The following GREB1 variants were observed in gnomAD, a reference collection of about 807,000 sequenced individuals.
The protein encoded by GREB1 is protein GREB1.
In GREB1, 106 loss-of-function variants were observed where a neutral mutation model predicts 200.7. The ratio of observed to expected loss-of-function variants is 0.53; its 90% confidence interval spans 0.45 to 0.62. The LOEUF (loss-of-function observed/expected upper bound fraction) is 0.62, where lower values mean the gene tolerates loss of function less well. GREB1 is among the 20% of genes least tolerant of loss of function. The probability of loss-of-function intolerance (pLI) is 0.00; values close to 1 mark genes in which losing one functional copy is unlikely to be tolerated. For missense variants in GREB1, 2,243 were observed against 2,556.8 expected, an observed-to-expected ratio of 0.88 and a Z score of 2.65; for synonymous variants, 1,132 against 1,092.4, an observed-to-expected ratio of 1.04 and a Z score of -0.72.
At chr2:11,507,673 C>T (rs1017772662) in intron 1 of GREB1, among the ~76,000 whole-genome samples, 2 of 152,186 alleles carry the variant, frequency 1.3e-5, no homozygotes, top group African/African-American at 2.4e-5. Context: ...CCTGTCCAGG[C>T]GCCAGCCTCC....
chr2:11,555,319 G>T (rs2147862629), intron 1 of GREB1, among the ~76,000 whole-genome samples: 1 of 152,224 alleles, frequency 6.6e-6, no homozygotes, highest in African/African-American at 2.4e-5. Context: ...GTATGATCAG[G>T]GAGAAATGTC....
At chr2:11,497,635 A>G (rs1385578072) in intron 1 of GREB1, among the ~76,000 whole-genome samples, 3 of 152,184 alleles carry the variant, frequency 2.0e-5, no homozygotes, top group Non-Finnish European at 4.4e-5. Context: ...CCAGCATTTG[A>G]TGGTGTCACT....
chr2:11,531,125 G>A (rs1463715210), upstream of GREB1, among the ~76,000 whole-genome samples: 2 of 152,226 alleles, frequency 1.3e-5, no homozygotes, highest in Non-Finnish European at 2.9e-5. Flanking sequence ...GCCCTGTACT[G>A]GAGGTCAGCT....
intron 23 of GREB1, among the ~76,000 whole-genome samples, chr2:11,622,418 C>T (rs1458716612): frequency 1.3e-5 from 2 of 152,208 alleles, no homozygotes; most frequent in Admixed American, 6.5e-5. Context: ...TCTCCCCTGC[C>T]TTCCTATGGA....
chr2:11,539,183 G>T (rs561783816), intron 1 of GREB1, among the ~76,000 whole-genome samples: 1 of 151,932 alleles, frequency 6.6e-6, no homozygotes, highest in South Asian at 2.1e-4. Flanking sequence ...CTTCTAAGTA[G>T]CTGGGACTTC....
chr2:11,520,957 C>T (rs1455861349), intron 1 of GREB1, among the ~76,000 whole-genome samples: 3 of 152,158 alleles, frequency 2.0e-5, no homozygotes, highest in African/African-American at 7.2e-5. Flanking sequence ...ACACAGTTAG[C>T]AGGGGGCGTC....
chr2:11,552,967 G>A (rs375712871), intron 1 of GREB1, among the ~76,000 whole-genome samples: 25 of 138,904 alleles, frequency 1.8e-4, no homozygotes, highest in South Asian at 6.8e-4. Flanking sequence ...TCGAGATCGC[G>A]CCACTGCACT....
At chr2:11,497,802 C>T (rs974379053) in intron 1 of GREB1, among the ~76,000 whole-genome samples, 1 of 151,958 alleles carries the variant, frequency 6.6e-6, no homozygotes, top group Non-Finnish European at 1.5e-5. Context: ...GTCTTTCGCC[C>T]ATTTTCTAAT....
At chr2:11,606,135 C>T (rs752162548) in intron 17 of GREB1, among the ~76,000 whole-genome samples, 4 of 152,268 alleles carry the variant, frequency 2.6e-5, no homozygotes, top group Non-Finnish European at 5.9e-5. Context: ...GGTCAGCCCT[C>T]TGGAACCCAC....
chr2:11,587,473 C>T, intron 9 of GREB1: 2 of 1,612,022 alleles, frequency 1.2e-6, no homozygotes, highest in African/African-American at 2.7e-5. Context: ...TTCATGGACC[C>T]ATCCTGGAAT....
At chr2:11,486,157 G>A (rs1282982232) in intron 1 of GREB1, among the ~76,000 whole-genome samples, 1 of 152,146 alleles carries the variant, frequency 6.6e-6, no homozygotes, top group East Asian at 1.9e-4. Flanking sequence ...AGAACTCTGG[G>A]CTAGCTATTC....
At chr2:11,514,240 G>T (rs955798910) in intron 1 of GREB1, among the ~76,000 whole-genome samples, 2 of 152,172 alleles carry the variant, frequency 1.3e-5, no homozygotes, top group Admixed American at 1.3e-4. Context: ...TTTACATAGA[G>T]TTCTCATTCA....
intron 5 of GREB1, among the ~76,000 whole-genome samples, chr2:11,576,971 G>C (rs1334104063): frequency 6.6e-6 from 1 of 152,086 alleles, no homozygotes; most frequent in Non-Finnish European, 1.5e-5. Context: ...GGAGGTGGAG[G>C]TTGCAGTGAG....
chr2:11,616,487 G>C (rs1413207449), intron 20 of GREB1, 144 bp from the exon 21 acceptor site: 1 of 703,172 alleles, frequency 1.4e-6, no homozygotes, highest in Non-Finnish European at 2.6e-6. Flanking sequence ...TCTGTCCATG[G>C]TGGGGGCCTG....
intron 6 of GREB1, among the ~76,000 whole-genome samples, chr2:11,578,937 G>A (rs552298963): frequency 2.0e-5 from 3 of 152,330 alleles, no homozygotes; most frequent in East Asian, 3.9e-4. Context: ...CTAGGACCTC[G>A]TGGGCCGGAG....
chr2:11,635,240 C>T, intron 29 of GREB1, 30 bp from the exon 30 acceptor site: 1 of 1,613,652 alleles, frequency 6.2e-7, no homozygotes, highest in Non-Finnish European at 8.5e-7. Context: ...TGTGCCCCAT[C>T]AGACCCACCC....
intron 14 of GREB1, among the ~76,000 whole-genome samples, chr2:11,598,248 T>G (rs1284554004): frequency 1.3e-5 from 2 of 152,212 alleles, no homozygotes; most frequent in African/African-American, 4.8e-5. Flanking sequence ...ACTGATATCC[T>G]TGTACTTTCA....
intron 30 of GREB1, among the ~76,000 whole-genome samples, chr2:11,636,018 GCCTTTC>G (rs767182150): frequency 2.6e-5 from 4 of 152,194 alleles, no homozygotes; most frequent in Non-Finnish European, 5.9e-5. Context: ...GCCACCAGCT[GCCTTTC>G]CCAGGCTCTA....
intron 4 of GREB1, among the ~76,000 whole-genome samples, chr2:11,570,326 T>C (rs1213102580): frequency 6.6e-6 from 1 of 151,602 alleles, no homozygotes; most frequent in Non-Finnish European, 1.5e-5. Context: ...GGAAAATCAC[T>C]TGAACCTGGG....
Sources: gnomAD v4.1 joint callset for allele counts (sites outside exome capture counted in the v4.1 genomes callset) on GRCh38, gnomAD v4.1.1 for gene constraint, MANE v1.5 for transcripts, NCBI Gene and HGNC (gene_info 2026-07-23, HGNC 2026-07-21) for gene names.